Variants in DST observed in about 807,000 individuals in gnomAD.
DST encodes the protein dystonin.
In DST, 253 loss-of-function variants were observed where a neutral mutation model predicts 875.2. The observed-to-expected ratio is 0.29, with a 90% CI of 0.26 to 0.32. The LOEUF (loss-of-function observed/expected upper bound fraction) is 0.32. Ranked by LOEUF, DST falls within the 10% of genes least tolerant of loss-of-function variation. The probability of loss-of-function intolerance (pLI) is 1.00; values close to 1 mark genes in which losing one functional copy is unlikely to be tolerated. For synonymous variants in DST, 3,124 were observed against 3,197.1 expected, an observed-to-expected ratio of 0.98 and a Z score of 0.77; for missense variants, 8,287 against 9,111.6, an observed-to-expected ratio of 0.91 and a Z score of 3.68.
intron 13 of DST, among the ~76,000 whole-genome samples, chr6:56,647,724 C>T (rs1247458563): frequency 9.4e-5 from 14 of 148,394 alleles, no homozygotes; most frequent in Non-Finnish European, 1.8e-4. Context: ...CTTGCTCTCT[C>T]GCCCAGGATG....
chr6:56,648,516 A>G, intron 13 of DST, 54 bp downstream of exon 13: 1 of 1,485,358 alleles, frequency 6.7e-7, no homozygotes, highest in Non-Finnish European at 9.0e-7. Flanking sequence ...TTATAGCATT[A>G]CTTAAGGGTT....
rs2099738844 is a variant in DST at position 56,795,794 on chromosome 6, T to C, written c.625+55603A>G. On this transcript the variant is annotated intron_variant, in intron 4 of 103. Transcript: ENST00000680361. Reference sequence around the variant, plus strand: ...TCTTGAGATTTTGTAATAGCAATAATGAAAGCCCAGAAGACAACAGATCAA... The same window carrying C: ...TCTTGAGATTTTGTAATAGCAATAACGAAAGCCCAGAAGACAACAGATCAA... Among the ~76,000 whole-genome samples the C allele has an allele frequency of 2.0e-5, 3 of 152,264 alleles. No individual in the cohort carries two copies. In the South Asian group the frequency reaches 6.2e-4, roughly 32 times the overall value.
intron 22 of DST, 34 bp from the exon 23 acceptor site, chr6:56,636,686 G>A: frequency 6.4e-7 from 1 of 1,554,020 alleles, no homozygotes; most frequent in Non-Finnish European, 8.9e-7. Context: ...ATAACTGACT[G>A]GGGAGAAATA....
chr6:56,729,725 T>C (rs976675579), intron 5 of DST, among the ~76,000 whole-genome samples: 7 of 152,128 alleles, frequency 4.6e-5, no homozygotes, highest in South Asian at 2.1e-4. Flanking sequence ...TTCTGTTCTC[T>C]AAAAGATACC....
intron 4 of DST, among the ~76,000 whole-genome samples, chr6:56,759,452 CAATA>C (rs1301558907): frequency 6.6e-6 from 1 of 151,880 alleles, no homozygotes; most frequent in African/African-American, 2.4e-5. Context: ...GACTCCATCC[CAATA>C]AATAAATAAA....
intron 4 of DST, among the ~76,000 whole-genome samples, chr6:56,790,106 T>C (rs957003753): frequency 6.6e-6 from 1 of 152,148 alleles, no homozygotes; most frequent in Admixed American, 6.6e-5. Flanking sequence ...TCTCCTTCTG[T>C]TACCCTTCCT....
chr6:56,592,570 T>A (rs976908920), intron 48 of DST, among the ~76,000 whole-genome samples: 6 of 152,202 alleles, frequency 3.9e-5, no homozygotes, highest in Admixed American at 1.3e-4. Context: ...AAGAGATAGT[T>A]CTGGATTTAT....
intron 49 of DST, among the ~76,000 whole-genome samples, chr6:56,585,077 C>T (rs1240826903): frequency 1.2e-4 from 19 of 152,154 alleles, no homozygotes; most frequent in East Asian, 3.9e-4. Context: ...TGTCTCTGCC[C>T]GGCTTTGGGA....
chr6:56,539,618 CA>C (rs2097087927), intron 61 of DST, among the ~76,000 whole-genome samples: 1 of 152,018 alleles, frequency 6.6e-6, no homozygotes, highest in Non-Finnish European at 1.5e-5. Context: ...GTAAAAGTAC[CA>C]AAACAGCTGA....
intron 49 of DST, among the ~76,000 whole-genome samples, chr6:56,582,890 C>T (rs1231311477): frequency 6.6e-6 from 1 of 152,064 alleles, no homozygotes; most frequent in African/African-American, 2.4e-5. Flanking sequence ...ATGATGATTT[C>T]CAATTTCATC....
intron 28 of DST, among the ~76,000 whole-genome samples, chr6:56,632,259 C>T (rs2098787689): frequency 6.6e-6 from 1 of 151,968 alleles, no homozygotes; most frequent in Non-Finnish European, 1.5e-5. Context: ...TTTGAAGTAC[C>T]AATTTCCGAT....
chr6:56,954,311 G>A (rs1399015320), intron 1 of DST, 96 bp downstream of exon 1: 1 of 960,542 alleles, frequency 1.0e-6, no homozygotes, highest in Non-Finnish European at 1.4e-6. Context: ...ATGGGGCTAG[G>A]GGCAGCCGAG....
intron 3 of DST, among the ~76,000 whole-genome samples, chr6:56,886,825 G>A (rs967271673): frequency 4.1e-5 from 6 of 146,142 alleles, no homozygotes; most frequent in Non-Finnish European, 9.0e-5. Context: ...GTCATTTCTA[G>A]AACTGAATTC....
At chr6:56,901,733 T>C (rs1242846734) in intron 2 of DST, among the ~76,000 whole-genome samples, 4 of 151,632 alleles carry the variant, frequency 2.6e-5, no homozygotes, top group African/African-American at 9.8e-5. Context: ...CTTAATAAAA[T>C]TGTCATTTTC....
At position 56,930,571 on chromosome 6, in the gene DST, C is replaced by CAAATAAAACAGATTCTGTTT. The variant is rs1385754216; in HGVS notation, c.216+23213_216+23214insAAACAGAATCTGTTTTATTT. 2.6e-5 allele frequency among the ~76,000 whole-genome samples: 4 copies of CAAATAAAACAGATTCTGTTT among 152,018 alleles called. No homozygotes were observed. The East Asian group carries it at 7.7e-4, about 29-fold the overall frequency. ...CAGTTCCTTGCTTTTGCTTCTTTTCCTACCAATAAAACAGATTCTAGACGG... is the reference window on the plus strand; with the variant it reads ...CAGTTCCTTGCTTTTGCTTCTTTTCCAAATAAAACAGATTCTGTTTTACCAATAAAACAGATTCTAGACGG... On this transcript the variant is annotated intron_variant, in intron 2 of 103. Transcript: ENST00000680361.
intron 4 of DST, among the ~76,000 whole-genome samples, chr6:56,805,465 G>A (rs4587171): frequency 0.27 from 41,136 of 151,674 alleles, 7,141 homozygotes; most frequent in African/African-American, 0.5. Context: ...AAGTAAAAAC[G>A]AACAGATTCA....
intron 4 of DST, among the ~76,000 whole-genome samples, chr6:56,778,552 G>T (rs1472655469): frequency 1.0e-5 from 1 of 98,234 alleles, no homozygotes; most frequent in African/African-American, 4.2e-5. Flanking sequence ...CCCCACAACA[G>T]GCCCCGGTGT....
Position 56,670,807 on chromosome 6 carries a change from T to C in DST, c.1048A>G (p.Ile350Val), listed in dbSNP as rs1373207609. 8 of 1,583,916 alleles carry C rather than the reference T, an allele frequency of 5.1e-6. No individual in the cohort carries two copies. In the African/African-American group the frequency reaches 1.1e-4, roughly 22 times the overall value. ...TCTCCAGTAACATGGATATCAGATATCTAGATATAACAGAAAGTGTTAAAC... is the reference window on the plus strand; with the variant it reads ...TCTCCAGTAACATGGATATCAGATACCTAGATATAACAGAAAGTGTTAAAC... ...LIWTIILHFQ[I>V]SDIHVTGESE... is the part of the protein sequence containing the mutation. Residue 350 changes from isoleucine (I) to valine (V), a missense_variant and splice_region_variant, in exon 10 of 104, where the codon ATA becomes GTA. Around this residue, in one of 10 missense-constraint regions of DST, gnomAD observed 1,160 missense variants for 1,424.3 expected, o/e 0.81. Transcript: ENST00000680361.
At chr6:56,514,578 T>TACACACACAC (rs766261479) in intron 72 of DST, among the ~76,000 whole-genome samples, 7 of 145,030 alleles carry the variant, frequency 4.8e-5, no homozygotes, top group Middle Eastern at 3.2e-3. Flanking sequence ...CACAGGCGTA[T>TACACACACAC]ACACACACAC....
Sources: allele counts gnomAD v4.1 joint callset (sites outside exome capture counted in the v4.1 genomes callset), GRCh38; gene constraint gnomAD v4.1.1; regional missense constraint gnomAD v4.1.1; transcripts MANE v1.5; gene names NCBI Gene and HGNC (gene_info 2026-07-23, HGNC 2026-07-21).